NBEA: variants seen among roughly 807,000 people sequenced by gnomAD.
NBEA encodes the protein lysosomal-trafficking regulator 2.
A neutral mutation model predicts 343.4 loss-of-function variants in NBEA; 44 were observed. The ratio of observed to expected loss-of-function variants is 0.13; its 90% CI spans 0.10 to 0.16. The LOEUF (loss-of-function observed/expected upper bound fraction) is 0.16. NBEA is among the 10% of genes least tolerant of loss of function. NBEA has a pLI of 1.00. For synonymous variants in NBEA, 1,175 were observed against 1,238.7 expected (o/e 0.95, Z 1.08); for missense variants, 2,555 against 3,631.3 (o/e 0.70, Z 7.62).
At chr13:35,628,657 C>T (rs551724624) in intron 49 of NBEA, among the ~76,000 whole-genome samples, 1 of 152,320 alleles carries the variant, frequency 6.6e-6, no homozygotes, top group Admixed American at 6.5e-5. Flanking sequence ...GTGGCTCTTG[C>T]CTGTAATTCC....
chr13:34,967,587 G>A (rs1299125544), intron 1 of NBEA, among the ~76,000 whole-genome samples: 2 of 151,914 alleles, frequency 1.3e-5, no homozygotes, highest in Admixed American at 6.6e-5. Context: ...TACATAAATC[G>A]GTAGTGTGTT....
intron 34 of NBEA, among the ~76,000 whole-genome samples, chr13:35,257,415 A>C (rs988659289): frequency 8.5e-5 from 13 of 152,330 alleles, no homozygotes; most frequent in African/African-American, 3.1e-4. Flanking sequence ...GAGGTAACAT[A>C]AAATAGTCAC....
chr13:35,579,012 C>T (rs924754795), intron 45 of NBEA, among the ~76,000 whole-genome samples: 1 of 151,434 alleles, frequency 6.6e-6, no homozygotes, highest in East Asian at 1.9e-4. Context: ...CTTATGGTGT[C>T]ATGTTGGCAT....
intron 41 of NBEA, among the ~76,000 whole-genome samples, chr13:35,513,394 A>T (rs1248895533): frequency 7.5e-6 from 1 of 133,424 alleles, no homozygotes; most frequent in Non-Finnish European, 1.5e-5. Context: ...CAAGGGATCC[A>T]CCTGCCTCAG....
rs763773942 is a variant in NBEA at position 35,159,826 on chromosome 13, A to G, written c.3655A>G (p.Ser1219Gly). 13 of 1,610,128 alleles carry G rather than the reference A, an allele frequency of 8.1e-6. No individual in the cohort carries two copies. The South Asian group carries it at 1.3e-4, about 16-fold the overall frequency. ...KIHTTSDGMS[S>G]ISERDLASST... ...CCATACAACTTCAGATGGAATGAGC[A>G]GTATTTCTGAAAGAGACTTAGCGTC... The change falls in exon 22 of 59, where the codon AGT (serine) becomes GGT (glycine). Residue 1219 changes from serine (S) to glycine (G), a missense_variant. Ser to Gly is a moderately conservative substitution (Grantham distance 56). This residue lies in a region of NBEA where 367 missense variants were observed against 377.5 expected (regional missense o/e 0.97). Coordinates refer to ENST00000379939, the MANE Select transcript of NBEA (RefSeq NM_001385012.1).
intron 44 of NBEA, among the ~76,000 whole-genome samples, chr13:35,559,376 C>G (rs576396547): frequency 1.1e-3 from 167 of 152,228 alleles, no homozygotes; most frequent in South Asian, 3.1e-3. Context: ...TTTTATAACA[C>G]TGTTTTAGGG....
At chr13:35,169,052 T>C (rs1438730394) in intron 25 of NBEA, 57 bp downstream of exon 25, 5 of 1,346,856 alleles carry the variant, frequency 3.7e-6, no homozygotes, top group Admixed American at 2.4e-5. Flanking sequence ...TATTTTTACT[T>C]ATTTATGAAA....
chr13:35,094,521 C>T (rs2065237602), intron 10 of NBEA, among the ~76,000 whole-genome samples: 1 of 151,910 alleles, frequency 6.6e-6, no homozygotes, highest in Admixed American at 6.6e-5. Context: ...TGTGGTTTAG[C>T]CCTTTCTAAT....
At chr13:35,346,208 A>C (rs945033782) in intron 36 of NBEA, among the ~76,000 whole-genome samples, 1 of 151,964 alleles carries the variant, frequency 6.6e-6, no homozygotes, top group African/African-American at 2.4e-5. Context: ...CAGACCATGT[A>C]CCCTTCCCTT....
intron 38 of NBEA, among the ~76,000 whole-genome samples, chr13:35,390,145 CAT>C (rs1426545501): frequency 6.6e-6 from 1 of 151,866 alleles, no homozygotes; most frequent in Non-Finnish European, 1.5e-5. Context: ...ACTTCTCATT[CAT>C]GTGTACTTAT....
intron 1 of NBEA, among the ~76,000 whole-genome samples, chr13:34,972,892 A>G (rs2060045022): frequency 6.6e-6 from 1 of 152,110 alleles, no homozygotes; most frequent in Non-Finnish European, 1.5e-5. Context: ...AAGTGATGTG[A>G]TCATTTGGAG....
chr13:35,358,564 A>G (rs2040625959), intron 38 of NBEA, among the ~76,000 whole-genome samples: 1 of 151,986 alleles, frequency 6.6e-6, no homozygotes, highest in Non-Finnish European at 1.5e-5. Context: ...CTAAAAATAT[A>G]AAAATTAGCT....
Position 35,254,497 on chromosome 13 carries a change from T to A in NBEA, c.5776+21878T>A, listed in dbSNP as rs540017296. 2.1e-3 allele frequency among the ~76,000 whole-genome samples: 323 copies of A among 151,918 alleles called. 1 individual carries two copies. The highest frequency in any genetic ancestry group is 7.3e-3 in the African/African-American group (302 of 41,436). On this transcript the variant is annotated intron_variant, in intron 34 of 58. Coordinates refer to ENST00000379939, the MANE Select transcript of NBEA (RefSeq NM_001385012.1). The stretch of plus-strand genomic sequence containing the variant: ...CACACTCAGCTAATTTTTTAAAAAA[T>A]TTTTTGTGGAGATGGGGTCTCCCTA...
intron 38 of NBEA, among the ~76,000 whole-genome samples, chr13:35,428,339 C>T (rs2044853833): frequency 6.6e-6 from 1 of 152,176 alleles, no homozygotes; most frequent in South Asian, 2.1e-4. Context: ...TCCTCTCCTT[C>T]TAGGATTCCA....
At chr13:35,301,031 C>A (rs1040122571) in intron 35 of NBEA, among the ~76,000 whole-genome samples, 2 of 152,096 alleles carry the variant, frequency 1.3e-5, no homozygotes, top group Admixed American at 6.5e-5. Context: ...CACATGCAAT[C>A]CTAACATTTT....
At chr13:34,959,069 G>GA (rs1482774579) in intron 1 of NBEA, among the ~76,000 whole-genome samples, 1 of 151,932 alleles carries the variant, frequency 6.6e-6, no homozygotes, top group Non-Finnish European at 1.5e-5. Context: ...GTATGTTACA[G>GA]AAAAAATACC....
intron 41 of NBEA, chr13:35,476,497 C>T: frequency 1.4e-6 from 1 of 701,196 alleles, no homozygotes; most frequent in Non-Finnish European, 2.4e-6. Context: ...GAATAAAAAA[C>T]AAAAGTTGCG....
chr13:35,279,857 C>T (rs1418215782), intron 34 of NBEA, among the ~76,000 whole-genome samples: 2 of 152,116 alleles, frequency 1.3e-5, no homozygotes, highest in African/African-American at 4.8e-5. Context: ...CAAGAACTAA[C>T]TTGCTGAAAA....
Position 35,287,517 on chromosome 13 carries a change from T to TAA in NBEA, c.5777-2871_5777-2870insAA, listed in dbSNP as rs560247757. Among the ~76,000 whole-genome samples the TAA allele has an allele frequency of 2.7e-3, 407 of 152,186 alleles. 3 individuals are homozygous for TAA. Among genetic ancestry groups the TAA allele is most frequent in the African/African-American group, 9.2e-3 (381 of 41,552 alleles). ...TCCAGTCCACTTTTAAACACTCTTATAGTCTATTCATCCATCCCCCAAGCT... is the reference window on the plus strand; with the variant it reads ...TCCAGTCCACTTTTAAACACTCTTATAAAGTCTATTCATCCATCCCCCAAGCT... On this transcript the variant is annotated intron_variant, in intron 34 of 58. Coordinates refer to ENST00000379939, the MANE Select transcript of NBEA (RefSeq NM_001385012.1).
Sources: allele counts gnomAD v4.1 joint callset (sites outside exome capture counted in the v4.1 genomes callset), GRCh38; gene constraint gnomAD v4.1.1; regional missense constraint gnomAD v4.1.1; transcripts MANE v1.5; gene names NCBI Gene and HGNC (gene_info 2026-07-23, HGNC 2026-07-21).